Variants in PCDHGA3 observed in about 807,000 individuals in gnomAD.
PCDHGA3 encodes the protein protocadherin gamma-A3.
PCDHGA3 carries 40 observed loss-of-function variants against 58.5 expected under a neutral mutation model. The ratio of observed to expected loss-of-function variants is 0.68; its 90% confidence interval spans 0.53 to 0.89. The LOEUF is 0.89. Among genes scored for constraint, PCDHGA3 ranks in the 40% least tolerant of loss-of-function variants. The pLI, the probability that PCDHGA3 is intolerant of heterozygous loss-of-function variation, is 0.00. For synonymous variants in PCDHGA3, 530 were observed against 525.7 expected, an observed-to-expected ratio of 1.01 and a Z score of -0.11; for missense variants, 1,223 against 1,195.9, an observed-to-expected ratio of 1.02 and a Z score of -0.33.
At chr5:141,376,276 C>T (rs3749771) in intron 1 of PCDHGA3, 1 of 1,614,240 alleles carries the variant, frequency 6.2e-7, no homozygotes, top group Non-Finnish European at 8.5e-7. Context: ...CGGGAGGTGG[C>T]TTAGCGAGCA....
intron 1 of PCDHGA3, among the ~76,000 whole-genome samples, chr5:141,481,161 A>G (rs2099532805): frequency 6.6e-6 from 1 of 152,230 alleles, no homozygotes; most frequent in African/African-American, 2.4e-5. Flanking sequence ...GTATTTGCAG[A>G]ACCAGAATCC....
At chr5:141,372,101 C>T (rs984585015) in intron 1 of PCDHGA3, 8 of 1,613,794 alleles carry the variant, frequency 5.0e-6, no homozygotes, top group Middle Eastern at 1.7e-4. Context: ...CTCTGGGGCC[C>T]GAAGGCTCTG....
chr5:141,422,421 T>C, intron 1 of PCDHGA3: 1 of 1,607,810 alleles, frequency 6.2e-7, no homozygotes, highest in Non-Finnish European at 8.5e-7. Context: ...TAGAAAAGAC[T>C]TATGGAAATT....
In PCDHGA3 at chr5:141,456,878, G is replaced by T. The variant is rs71583646; in HGVS notation, c.2425-37929G>T. On this transcript the variant is annotated intron_variant, in intron 1 of 3. Coordinates refer to ENST00000253812, the MANE Select transcript of PCDHGA3 (RefSeq NM_018916.4). ...ATTGGGAGGCTGAGGCAGGAGAATCGCTTGAACCCGGGAGGCAGAGGTTGC... is the reference window on the plus strand; with the variant it reads ...ATTGGGAGGCTGAGGCAGGAGAATCTCTTGAACCCGGGAGGCAGAGGTTGC... Among the ~76,000 whole-genome samples, 307 of 152,160 alleles carry T rather than the reference G, an allele frequency of 2.0e-3. 1 individual carries two copies. The highest frequency in any genetic ancestry group is 0.01 in the Middle Eastern group (3 of 294).
intron 1 of PCDHGA3, chr5:141,403,323 C>G: frequency 6.2e-7 from 1 of 1,613,958 alleles, no homozygotes; most frequent in Non-Finnish European, 8.5e-7. Flanking sequence ...ATAGAAGTAA[C>G]TGATATTAAC....
intron 1 of PCDHGA3, chr5:141,414,797 G>A: frequency 6.2e-7 from 1 of 1,614,230 alleles, no homozygotes. Context: ...GCCAGCGACA[G>A]CGGGGATCCT....
At chr5:141,383,962 T>C in intron 1 of PCDHGA3, 2 of 1,613,460 alleles carry the variant, frequency 1.2e-6, no homozygotes, top group Non-Finnish European at 1.7e-6. Flanking sequence ...TTTAAGTAGC[T>C]CAATCCCTGA....
Position 141,491,717 on chromosome 5 carries a change from C to A in PCDHGA3, c.2425-3090C>A. ...CGGAGCCAGGTGAGGGGCTCGGCGC[C>A]GCCCCGGGCGACCCCTGGGGGCGGC... On this transcript the variant is annotated intron_variant, in intron 1 of 3. Coordinates refer to ENST00000253812, the MANE Select transcript of PCDHGA3 (RefSeq NM_018916.4). The surrounding 1 kb of genome is among the most constrained non-coding windows in gnomAD (Gnocchi z 6.9). 1 of 1,607,940 alleles carries A rather than the reference C, an allele frequency of 6.2e-7. No individual in the cohort carries two copies. Among genetic ancestry groups the A allele is most frequent in the Middle Eastern group, 1.7e-4 (1 of 6,010 alleles).
chr5:141,384,366 T>A (rs573164893), intron 1 of PCDHGA3: 1 of 1,613,896 alleles, frequency 6.2e-7, no homozygotes, highest in Non-Finnish European at 8.5e-7. Context: ...AGATCACTTA[T>A]TCCTTGGCCG....
At chr5:141,404,000 A>G (rs758512396) in intron 1 of PCDHGA3, 1 of 1,613,956 alleles carries the variant, frequency 6.2e-7, no homozygotes. Flanking sequence ...AGTGACCATT[A>G]CATCTCTGTT....
At chr5:141,371,214 A>G in intron 1 of PCDHGA3, 1 of 1,614,052 alleles carries the variant, frequency 6.2e-7, no homozygotes, top group Non-Finnish European at 8.5e-7. Context: ...TGAGGGCATC[A>G]ATGCCGAAAT....
chr5:141,421,960 CA>C, intron 1 of PCDHGA3: 1 of 1,612,526 alleles, frequency 6.2e-7, no homozygotes, highest in Admixed American at 1.7e-5. Flanking sequence ...AATGTTTACA[CA>C]GTCCGTATAT....
chr5:141,490,584 T>G lies in PCDHGA3; in HGVS notation c.2425-4223T>G, dbSNP rs751060540. 1 of 1,614,170 alleles carries G rather than the reference T, an allele frequency of 6.2e-7. No individual in the cohort carries two copies. Among genetic ancestry groups the G allele is most frequent in the South Asian group, 1.1e-5 (1 of 91,080 alleles). ...TCAGGCTCAACATTTCAGATGTCAA[T>G]GACAATGCACCCCGCTTCAACCAGC... On this transcript the variant is annotated intron_variant, in intron 1 of 3. Transcript: ENST00000253812. This position sits in a 1 kb window ranked among gnomAD's most constrained non-coding sequence, Gnocchi z 5.4.
chr5:141,497,892 C>T (rs2099780275), intron 2 of PCDHGA3, among the ~76,000 whole-genome samples: 1 of 152,138 alleles, frequency 6.6e-6, no homozygotes, highest in Admixed American at 6.6e-5. Flanking sequence ...AGGATCTAGT[C>T]CAGTAACTTC....
At position 141,431,569 on chromosome 5, in the gene PCDHGA3, CGAA is replaced by C. The variant is rs780392922; in HGVS notation, c.2425-63236_2425-63234del. The C allele has an allele frequency of 1.9e-6, 3 of 1,614,000 alleles. No homozygotes were observed. The highest frequency in any genetic ancestry group is 2.7e-5 in the African/African-American group (2 of 74,932). ...TTGTAGTCAACGCTACCGACCCTGA[CGAA>C]GGAGTCAATGCGGAAGTGAGGTATT... On this transcript the variant is annotated intron_variant, in intron 1 of 3. Transcript: ENST00000253812. This position sits in a 1 kb window ranked among gnomAD's most constrained non-coding sequence, Gnocchi z 4.8.
At chr5:141,346,480 T>G in intron 1 of PCDHGA3, 23 bp downstream of exon 1, 1 of 1,613,508 alleles carries the variant, frequency 6.2e-7, no homozygotes, top group Non-Finnish European at 8.5e-7. Flanking sequence ...ATTTCTTTGA[T>G]TATTAAGAAC....
intron 1 of PCDHGA3, among the ~76,000 whole-genome samples, chr5:141,469,882 G>A (rs760102003): frequency 2.6e-5 from 4 of 152,280 alleles, no homozygotes; most frequent in Non-Finnish European, 4.4e-5. Context: ...TGTAATCTCG[G>A]CACTTTGGGA....
intron 1 of PCDHGA3, among the ~76,000 whole-genome samples, chr5:141,425,603 A>G (rs2096884807): frequency 6.6e-6 from 1 of 152,218 alleles, no homozygotes; most frequent in Non-Finnish European, 1.5e-5. Context: ...TATGCCCTAT[A>G]TAGCTTTCAG....
chr5:141,346,665 A>T (rs1561492694), intron 1 of PCDHGA3: 2 of 717,104 alleles, frequency 2.8e-6, no homozygotes, highest in Non-Finnish European at 4.6e-6. Flanking sequence ...AAAAAATAAT[A>T]CATCGTGAGT....
Sources: gnomAD v4.1 joint callset for allele counts (sites outside exome capture counted in the v4.1 genomes callset) on GRCh38, gnomAD v4.1.1 for gene constraint, Gnocchi (gnomAD v3.1) non-coding constraint, MANE v1.5 for transcripts, NCBI Gene and HGNC (gene_info 2026-07-23, HGNC 2026-07-21) for gene names.